Variants in STK32B observed in about 807,000 individuals in gnomAD.
STK32B encodes serine/threonine-protein kinase 32B.
A neutral mutation model predicts 52.6 loss-of-function variants in STK32B; 43 were observed. The observed-to-expected ratio is 0.82, with a 90% CI of 0.64 to 1.05. STK32B has a LOEUF of 1.05. STK32B is among the 50% of genes least tolerant of loss of function. The pLI, the probability that STK32B is intolerant of heterozygous loss-of-function variation, is 0.00. For synonymous variants in STK32B, 238 were observed against 204.3 expected (o/e 1.17, Z -1.41); for missense variants, 621 against 534.6 (o/e 1.16, Z -1.59).
intron 4 of STK32B, among the ~76,000 whole-genome samples, chr4:5,359,076 G>A (rs1021624675): frequency 1.3e-5 from 2 of 152,178 alleles, no homozygotes; most frequent in Non-Finnish European, 2.9e-5. Flanking sequence ...TCTTGTGCAG[G>A]ACCTTGAGTG....
chr4:5,199,300 G>T (rs886570239), intron 3 of STK32B, among the ~76,000 whole-genome samples: 1 of 152,168 alleles, frequency 6.6e-6, no homozygotes, highest in Non-Finnish European at 1.5e-5. Context: ...GACTAATAAG[G>T]TGTAGCCAGG....
rs775001307 is a variant in STK32B, at chr4:5,416,879, G to A, written c.507G>A (p.Thr169=). 3.6e-5 allele frequency: 58 copies of A among 1,613,920 alleles called. No individual in the cohort carries two copies. Among genetic ancestry groups the A allele is most frequent in the East Asian group, 2.5e-4 (11 of 44,878 alleles). ...ACATTACAGACTTCAACATAGCGAC[G>A]GTAGTGAAAGGAGCAGAAAGGGCTT... ...HVHITDFNIA[T]VVKGAERASS... is the part of the protein sequence containing the mutation. The change falls in exon 6 of 12, where the codon ACG becomes ACA. Residue 169 remains threonine, a synonymous_variant. Coordinates refer to ENST00000282908, the MANE Select transcript of STK32B (RefSeq NM_018401.3).
intron 6 of STK32B, among the ~76,000 whole-genome samples, chr4:5,443,907 C>T (rs1050238325): frequency 6.6e-6 from 1 of 152,238 alleles, no homozygotes; most frequent in African/African-American, 2.4e-5. Flanking sequence ...GCCAGTCAGG[C>T]TGCTCGGTGG....
At chr4:5,277,297 T>G (rs1411908052) in intron 3 of STK32B, among the ~76,000 whole-genome samples, 1 of 152,228 alleles carries the variant, frequency 6.6e-6, no homozygotes, top group African/African-American at 2.4e-5. Context: ...ACTCACTCTT[T>G]CTTTTCAGCA....
intron 4 of STK32B, among the ~76,000 whole-genome samples, chr4:5,358,784 C>A (rs1008886571): frequency 6.6e-6 from 1 of 152,176 alleles, no homozygotes; most frequent in Non-Finnish European, 1.5e-5. Context: ...TGCAGCCTCC[C>A]TTTCCCCATC....
At chr4:5,385,783 A>C (rs911187622) in intron 4 of STK32B, among the ~76,000 whole-genome samples, 1 of 151,744 alleles carries the variant, frequency 6.6e-6, no homozygotes, top group Non-Finnish European at 1.5e-5. Flanking sequence ...TATGGCCCCC[A>C]CACACACCCT....
chr4:5,141,355 C>T (rs1242845987), intron 2 of STK32B, among the ~76,000 whole-genome samples: 2 of 152,178 alleles, frequency 1.3e-5, no homozygotes, highest in Non-Finnish European at 2.9e-5. Flanking sequence ...GAGGGAACTT[C>T]AAGTGCAAAT....
chr4:5,311,919 T>A lies in STK32B; in HGVS notation c.261-19301T>A, dbSNP rs1370145397. Among the ~76,000 whole-genome samples the A allele has an allele frequency of 7.7e-3, 1,159 of 150,272 alleles. 15 individuals are homozygous for A. Among genetic ancestry groups the A allele is most frequent in the South Asian group, 0.033 (153 of 4,620 alleles). ...GCATACTTTTATATATATATATTTTTTTTTAAAGTTTATTCTTATTTTTAT... is the reference window on the plus strand; with the variant it reads ...GCATACTTTTATATATATATATTTTATTTTAAAGTTTATTCTTATTTTTAT... On this transcript the variant is annotated intron_variant, in intron 3 of 11. Transcript: ENST00000282908.
chr4:5,443,100 G>A (rs1207488222), intron 6 of STK32B, among the ~76,000 whole-genome samples: 6 of 151,032 alleles, frequency 4.0e-5, no homozygotes, highest in African/African-American at 1.5e-4. Flanking sequence ...TGCTCTTCTC[G>A]AGGAGTATCT....
At chr4:5,489,621 A>ATTTATTTTTTTTTTTTTTTTTTTTTTT (rs1719532914) in intron 11 of STK32B, among the ~76,000 whole-genome samples, 1 of 151,706 alleles carries the variant, frequency 6.6e-6, no homozygotes, top group East Asian at 2.0e-4. Flanking sequence ...TATTTTATTT[A>ATTTATTTTTTTTTTTTTTTTTTTTTTT]TTTTTTATTA....
At chr4:5,034,254 G>C in the STK32B span, among the ~76,000 whole-genome samples, 8 of 152,156 alleles carry the variant, frequency 5.3e-5, no homozygotes, top group African/African-American at 1.9e-4. Context: ...TCAGTCTTTT[G>C]AAAAATGAAC....
intron 1 of STK32B, among the ~76,000 whole-genome samples, chr4:5,053,698 T>C (rs1334754400): frequency 6.6e-6 from 1 of 152,196 alleles, no homozygotes; most frequent in Non-Finnish European, 1.5e-5. Context: ...TACAAGGTTA[T>C]GAGGCCGGGC....
the STK32B span, among the ~76,000 whole-genome samples, chr4:5,044,683 G>A: frequency 2.0e-5 from 3 of 152,196 alleles, no homozygotes; most frequent in African/African-American, 7.2e-5. Flanking sequence ...AAAGCTGGAG[G>A]ATTGCTTGAG....
At chr4:5,080,366 T>G (rs1712343576) in intron 1 of STK32B, among the ~76,000 whole-genome samples, 1 of 152,206 alleles carries the variant, frequency 6.6e-6, no homozygotes, top group African/African-American at 2.4e-5. Flanking sequence ...CTTTGAACAC[T>G]CAGGCACTGC....
chr4:5,227,199 C>T (rs924196270), intron 3 of STK32B, among the ~76,000 whole-genome samples: 1 of 152,162 alleles, frequency 6.6e-6, no homozygotes, highest in Non-Finnish European at 1.5e-5. Flanking sequence ...CACCAAAACT[C>T]AACAAGCAGT....
At chr4:5,315,682 C>CT (rs199584251) in intron 3 of STK32B, among the ~76,000 whole-genome samples, 13,624 of 120,378 alleles carry the variant, frequency 0.11, 1,029 homozygotes, top group African/African-American at 0.21. Context: ...TTTTCTTTTT[C>CT]TTTTTTTTTT....
intron 6 of STK32B, among the ~76,000 whole-genome samples, chr4:5,426,712 A>AAAAAAC: frequency 6.7e-6 from 1 of 149,952 alleles, no homozygotes; most frequent in Admixed American, 6.7e-5. Context: ...AAAAAAAAAA[A>AAAAAAC]AAGGAAAAGA....
At chr4:5,030,255 G>A in the STK32B span, among the ~76,000 whole-genome samples, 463 of 152,328 alleles carry the variant, frequency 3.0e-3, 4 homozygotes, top group African/African-American at 0.011. Context: ...GATTTTTCAA[G>A]CTAGTAACAC....
chr4:5,397,722 G>A (rs992289480), intron 4 of STK32B, among the ~76,000 whole-genome samples: 16 of 152,200 alleles, frequency 1.1e-4, no homozygotes, highest in African/African-American at 3.6e-4. Flanking sequence ...TAGCTCCCAG[G>A]CCATACAAAA....
Sources: gnomAD v4.1 joint callset for allele counts (sites outside exome capture counted in the v4.1 genomes callset) on GRCh38, gnomAD v4.1.1 for gene constraint, MANE v1.5 for transcripts, NCBI Gene and HGNC (gene_info 2026-07-23, HGNC 2026-07-21) for gene names.